LAMB1: variants seen among roughly 807,000 people sequenced by gnomAD.
LAMB1 encodes the protein laminin subunit beta 1.
Under a neutral mutation model 222.3 loss-of-function variants are expected in LAMB1, and 121 were observed. The ratio of observed to expected loss-of-function variants is 0.54; its 90% CI spans 0.47 to 0.63. The LOEUF is 0.63. Among genes scored for constraint, LAMB1 ranks in the 30% least tolerant of loss-of-function variants. The pLI is 0.00. For missense variants in LAMB1, 2,172 were observed against 2,240.8 expected, an observed-to-expected ratio of 0.97 and a Z score of 0.62; for synonymous variants, 794 against 807.2, an observed-to-expected ratio of 0.98 and a Z score of 0.28.
rs1265941372 is a variant in LAMB1 at position 107,961,307 on chromosome 7, C to T, written c.2008G>A (p.Val670Met). ...GSRYVVLPRP[V>M]CFEKGTNYTV... ...TAGTTTGTTCCCTTCTCAAAGCACA[C>T]CGGCCGAGGAAGGACGACATATCTG... Residue 670 changes from valine (V) to methionine (M), a missense_variant, in exon 17 of 34, where the codon GTG (valine) becomes ATG (methionine). Coordinates refer to ENST00000222399, the MANE Select transcript of LAMB1 (RefSeq NM_002291.3). The T allele has an allele frequency of 1.9e-6, 3 of 1,614,000 alleles. No homozygotes were observed. The highest frequency in any genetic ancestry group is 2.2e-5 in the South Asian group (2 of 91,052).
intron 4 of LAMB1, among the ~76,000 whole-genome samples, chr7:107,996,159 A>G (rs1431970178): frequency 6.6e-6 from 1 of 152,206 alleles, no homozygotes; most frequent in African/African-American, 2.4e-5. Flanking sequence ...TATTTGTTCA[A>G]AATTAAGAGA....
At chr7:107,996,022 A>G (rs2034275146) in intron 4 of LAMB1, among the ~76,000 whole-genome samples, 1 of 152,180 alleles carries the variant, frequency 6.6e-6, no homozygotes, top group South Asian at 2.1e-4. Context: ...CATTATATTC[A>G]CACTAACTAA....
At position 107,959,335 on chromosome 7, in the gene LAMB1, C is replaced by T. The variant is rs186548567; in HGVS notation, c.2604G>A (p.Gln868=). 1 of 1,614,140 alleles carries T rather than the reference C, an allele frequency of 6.2e-7. No homozygotes were observed. Among genetic ancestry groups the T allele is most frequent in the African/African-American group, 1.3e-5 (1 of 74,944 alleles). ...HWGFPSCQPC[Q]CNGHADDCDP... ...CGCAGTCATCGGCGTGGCCATTGCA[C>T]TGGCAGGGCTGGCAACTTGGAAAGC... The change falls in exon 20 of 34, where the codon CAG becomes CAA. Residue 868 remains glutamine, a synonymous_variant. Coordinates refer to ENST00000222399, the MANE Select transcript of LAMB1 (RefSeq NM_002291.3).
chr7:107,925,735 CAAAG>C (rs1355478337), intron 32 of LAMB1, among the ~76,000 whole-genome samples: 1 of 152,074 alleles, frequency 6.6e-6, no homozygotes, highest in Non-Finnish European at 1.5e-5. Context: ...AAATGAGTCT[CAAAG>C]AGATAAGATT....
intron 8 of LAMB1, among the ~76,000 whole-genome samples, chr7:107,980,240 T>C (rs1459145133): frequency 6.6e-6 from 1 of 152,012 alleles, no homozygotes. Flanking sequence ...TTTCTTTGGG[T>C]TGAGATCAAT....
intron 3 of LAMB1, 73 bp downstream of exon 3, chr7:108,001,485 C>G: frequency 6.9e-7 from 1 of 1,454,988 alleles, no homozygotes; most frequent in East Asian, 2.5e-5. Context: ...ATGCGGAGTC[C>G]CCAGGGCCTG....
chr7:107,971,905 CAAG>C (rs2033756042), intron 13 of LAMB1, among the ~76,000 whole-genome samples: 1 of 152,138 alleles, frequency 6.6e-6, no homozygotes, highest in Non-Finnish European at 1.5e-5. Context: ...TTTATCTCAT[CAAG>C]AAGGACTTTA....
At chr7:107,975,617 G>C (rs2033837457) in intron 10 of LAMB1, 72 bp downstream of exon 10, 2 of 1,425,104 alleles carry the variant, frequency 1.4e-6, no homozygotes, top group East Asian at 4.6e-5. Context: ...TGAGCTCTGA[G>C]ACTACTGACT....
intron 7 of LAMB1, among the ~76,000 whole-genome samples, chr7:107,981,445 TA>T (rs11304647): frequency 0.46 from 64,960 of 141,210 alleles, 14,316 homozygotes; most frequent in Middle Eastern, 0.53. Flanking sequence ...CAAAACTGTT[TA>T]AAAAAAAAAA....
At chr7:107,999,181 T>C (rs1288020387) in intron 3 of LAMB1, among the ~76,000 whole-genome samples, 1 of 152,252 alleles carries the variant, frequency 6.6e-6, no homozygotes, top group Non-Finnish European at 1.5e-5. Flanking sequence ...GAAGATAGAC[T>C]GTAAGTTTTA....
At chr7:107,937,027 A>G (rs2116343020) in intron 26 of LAMB1, 66 bp downstream of exon 26, 5 of 1,308,048 alleles carry the variant, frequency 3.8e-6, no homozygotes, top group East Asian at 2.4e-5. Flanking sequence ...CAAAAGTGCT[A>G]TATTAAAACG....
intron 13 of LAMB1, among the ~76,000 whole-genome samples, chr7:107,969,564 A>G (rs141169492): frequency 1.5e-3 from 222 of 152,254 alleles, no homozygotes; most frequent in African/African-American, 5.1e-3. Context: ...CTGTTCTATC[A>G]CAGTATAGTC....
chr7:107,971,375 G>A (rs1038225106), intron 13 of LAMB1, among the ~76,000 whole-genome samples: 1 of 152,190 alleles, frequency 6.6e-6, no homozygotes, highest in Admixed American at 6.5e-5. Flanking sequence ...GTTTTGATGA[G>A]TGATTGCAAC....
intron 24 of LAMB1, among the ~76,000 whole-genome samples, chr7:107,949,433 G>GA (rs1475494251): frequency 6.6e-6 from 1 of 152,176 alleles, no homozygotes; most frequent in Admixed American, 6.5e-5. Context: ...CCATTATCTG[G>GA]AAAAAATCAA....
At chr7:107,966,686 AG>A (rs2033643766) in intron 13 of LAMB1, among the ~76,000 whole-genome samples, 1 of 152,240 alleles carries the variant, frequency 6.6e-6, no homozygotes, top group African/African-American at 2.4e-5. Context: ...ATGTTTACTG[AG>A]ACAACAAATA....
chr7:107,929,997 A>G (rs748051126), intron 29 of LAMB1: 2 of 228,172 alleles, frequency 8.8e-6, no homozygotes, highest in Non-Finnish European at 1.7e-5. Context: ...GTGAATCTGA[A>G]CATTGTGGAA....
In LAMB1 at chr7:107,995,457, C is replaced by T. The variant is rs147928912; in HGVS notation, c.350-497G>A. The stretch of plus-strand genomic sequence containing the variant: ...GCAAAGAAAATAAATAAGAGTCTAC[C>T]ACATATGTTAGTTATACCACAACTT... On this transcript the variant is annotated intron_variant, in intron 4 of 33. Coordinates refer to ENST00000222399, the MANE Select transcript of LAMB1 (RefSeq NM_002291.3). Among the ~76,000 whole-genome samples, 1,360 of 152,324 alleles carry T rather than the reference C, an allele frequency of 8.9e-3. 20 individuals are homozygous for T. Among genetic ancestry groups the T allele is most frequent in the African/African-American group, 0.031 (1,304 of 41,566 alleles).
At chr7:107,936,757 AC>A (rs1465521056) in intron 26 of LAMB1, among the ~76,000 whole-genome samples, 4 of 152,104 alleles carry the variant, frequency 2.6e-5, no homozygotes, top group African/African-American at 9.7e-5. Flanking sequence ...AAGTATTAAT[AC>A]CTTAACTATT....
At chr7:107,978,787 T>A (rs1187452636) in intron 8 of LAMB1, among the ~76,000 whole-genome samples, 1 of 152,240 alleles carries the variant, frequency 6.6e-6, no homozygotes, top group Non-Finnish European at 1.5e-5. Flanking sequence ...AATATATTAA[T>A]TTGCCTGATG....
Sources: allele counts gnomAD v4.1 joint callset (sites outside exome capture counted in the v4.1 genomes callset), GRCh38; gene constraint gnomAD v4.1.1; transcripts MANE v1.5; gene names NCBI Gene and HGNC (gene_info 2026-07-23, HGNC 2026-07-21).